Variants in PMS1 observed in about 807,000 individuals in gnomAD.
The protein encoded by PMS1 is PMS1 homolog 1, mismatch repair system component.
In PMS1, 79 loss-of-function variants were observed where a neutral mutation model predicts 93.1. The ratio of observed to expected loss-of-function variants is 0.85; its 90% CI spans 0.71 to 1.02. The LOEUF (loss-of-function observed/expected upper bound fraction) is 1.02. Ranked by LOEUF, PMS1 falls within the 50% of genes least tolerant of loss-of-function variation. The pLI is 0.00. For synonymous variants in PMS1, 335 were observed against 363.4 expected (o/e 0.92, Z 0.89); for missense variants, 1,064 against 1,085.3 (o/e 0.98, Z 0.28).
At chr2:189,857,171 A>T (rs2106474618) in intron 9 of PMS1, among the ~76,000 whole-genome samples, 1 of 152,310 alleles carries the variant, frequency 6.6e-6, no homozygotes, top group African/African-American at 2.4e-5. Context: ...TGTCAATATG[A>T]TCAGTTTTTA....
At chr2:189,872,713 A>G (rs1427749898) in intron 11 of PMS1, among the ~76,000 whole-genome samples, 1 of 152,042 alleles carries the variant, frequency 6.6e-6, no homozygotes, top group Admixed American at 6.6e-5. Flanking sequence ...GCTCACTGCA[A>G]CCTGTGCCTC....
chr2:189,806,479 C>T, intron 4 of PMS1: 1 of 276,450 alleles, frequency 3.6e-6, no homozygotes, highest in Non-Finnish European at 7.3e-6. Flanking sequence ...TTCACTGCAA[C>T]CTCTGCCTCC....
chr2:189,839,822 T>A (rs1244305634), intron 5 of PMS1, among the ~76,000 whole-genome samples: 1 of 152,228 alleles, frequency 6.6e-6, no homozygotes, highest in Non-Finnish European at 1.5e-5. Context: ...AAATTGATGC[T>A]CAATATGTAT....
At chr2:189,850,954 A>G (rs1415082763) in intron 6 of PMS1, among the ~76,000 whole-genome samples, 2 of 152,072 alleles carry the variant, frequency 1.3e-5, no homozygotes, top group Non-Finnish European at 2.9e-5. Context: ...AGGTATTTGT[A>G]TTTTGCCTTC....
At position 189,873,551 on chromosome 2, in the gene PMS1, A is replaced by C. The variant is rs1185283284; in HGVS notation, c.2529A>C (p.Pro843=). The change falls in exon 12 of 13, where the codon CCA becomes CCC. Residue 843 remains proline (P), a synonymous_variant. Transcript: ENST00000441310. ...TAGAAGGAATGGCTAATTGTCTCCCATTCTATGGAGTAGCAGATTTAAAAG... is the reference window on the plus strand; with the variant it reads ...TAGAAGGAATGGCTAATTGTCTCCCCTTCTATGGAGTAGCAGATTTAAAAG... ...LEIEGMANCL[P]FYGVADLKEI... 1 of 1,600,008 alleles carries C rather than the reference A, an allele frequency of 6.2e-7. No homozygotes were observed. Among genetic ancestry groups the C allele is most frequent in the Non-Finnish European group, 8.6e-7 (1 of 1,167,340 alleles).
rs2052855085 is a variant in PMS1, at chr2:189,830,720, G to A, written c.582+12540G>A. On this transcript the variant is annotated intron_variant, in intron 5 of 12. Transcript: ENST00000441310. ...ATGAGGGCTGACAACAGGATCAAGG[G>A]CTGAGAACAGGAGCACTCCATTATG... is the stretch of plus-strand genomic sequence containing the variant. 2.0e-5 allele frequency among the ~76,000 whole-genome samples: 3 copies of A among 152,306 alleles called. No individual in the cohort carries two copies. In the South Asian group the frequency reaches 6.2e-4, roughly 32 times the overall value.
chr2:189,789,999 C>G (rs1456179887), intron 1 of PMS1, among the ~76,000 whole-genome samples: 1 of 152,138 alleles, frequency 6.6e-6, no homozygotes, highest in Non-Finnish European at 1.5e-5. Flanking sequence ...AAAGGATTTC[C>G]AGTTACCAAC....
chr2:189,845,581 T>C (rs1242546943), intron 6 of PMS1, among the ~76,000 whole-genome samples: 1 of 152,148 alleles, frequency 6.6e-6, no homozygotes, highest in South Asian at 2.1e-4. Context: ...TTGAAGTCAT[T>C]GTTCTTAGAC....
chr2:189,817,890 T>C (rs781268990), intron 4 of PMS1, 127 bp from the exon 5 acceptor site: 6 of 726,996 alleles, frequency 8.3e-6, no homozygotes, highest in Middle Eastern at 3.8e-4. Flanking sequence ...GTTGAGCCTT[T>C]GGGTTTCTAG....
At chr2:189,827,802 A>G (rs1575165450) in intron 5 of PMS1, among the ~76,000 whole-genome samples, 1 of 152,222 alleles carries the variant, frequency 6.6e-6, no homozygotes, top group East Asian at 1.9e-4. Flanking sequence ...AGTTGATTTC[A>G]TAGAAATAGA....
rs2055172969 is a variant in PMS1 at position 189,855,111 on chromosome 2, T to C, written c.1839T>C (p.Ser613=). 1.2e-6 allele frequency: 2 copies of C among 1,613,064 alleles called. No individual in the cohort carries two copies. Among genetic ancestry groups the C allele is most frequent in the African/African-American group, 1.3e-5 (1 of 74,864 alleles). The part of the protein sequence containing the change: ...LQIEELWKTL[S]EEEKLKYEEK... The stretch of plus-strand genomic sequence containing the variant: ...TTGAAGAACTGTGGAAGACATTGAG[T>C]GAAGAGGAAAAACTGAAGTAAGTTT... Residue 613 remains serine, a synonymous_variant, in exon 9 of 13, where the codon AGT becomes AGC. Transcript: ENST00000441310.
chr2:189,791,904 C>G lies in PMS1; in HGVS notation c.95C>G (p.Ser32Cys), dbSNP rs1481320634. The change falls in exon 2 of 13, where the codon TCC (serine) becomes TGC (cysteine). Residue 32 changes from serine to cysteine, a missense_variant. By Grantham distance (112) the Ser-to-Cys change is moderately radical. Transcript: ENST00000441310. Reference protein sequence around the residue: ...VSVVKELIENSLDAGATSVDV... With the variant: ...VSVVKELIENCLDAGATSVDV... ...GTTGTAAAAGAGCTTATTGAAAACT[C>G]CTTGGATGCTGGTGCCACAAGCGTA... 1.9e-6 allele frequency: 3 copies of G among 1,613,848 alleles called. No individual in the cohort carries two copies. The highest frequency in any genetic ancestry group is 8.5e-7 in the Non-Finnish European group (1 of 1,179,890).
rs1490926852 is a variant in PMS1, at chr2:189,852,801, A to T, written c.822+24A>T. 9 of 1,469,506 alleles carry T rather than the reference A, an allele frequency of 6.1e-6. No homozygotes were observed. The African/African-American group carries it at 9.7e-5, about 16-fold the overall frequency. The allele number at this position is 1,469,506 out of a possible 1,614,324, so 91.0% of individuals were successfully genotyped here. A position where few individuals can be genotyped will look rare whatever the true frequency, so the allele number is the denominator to read the frequency against. ...AGGTAGTATGCTTTAGAAAAAAAAA[A>T]TTATTTGAATTGGAAATTTGTCACA... is the stretch of plus-strand genomic sequence containing the variant. On this transcript the variant is annotated intron_variant, in intron 7 of 12. Coordinates refer to ENST00000441310, the MANE Select transcript of PMS1 (RefSeq NM_000534.5).
At chr2:189,832,216 A>G (rs748713011) in intron 5 of PMS1, among the ~76,000 whole-genome samples, 12 of 152,176 alleles carry the variant, frequency 7.9e-5, no homozygotes, top group Non-Finnish European at 1.5e-4. Context: ...AGAATCATGT[A>G]GAGGATGGAG....
intron 3 of PMS1, among the ~76,000 whole-genome samples, chr2:189,796,753 G>A (rs564708258): frequency 1.3e-5 from 2 of 152,130 alleles, no homozygotes; most frequent in South Asian, 4.1e-4. Context: ...ACCACATTTT[G>A]TTTATCTGTT....
chr2:189,872,926 G>A (rs532475757), intron 11 of PMS1, among the ~76,000 whole-genome samples: 21 of 152,278 alleles, frequency 1.4e-4, no homozygotes, highest in Admixed American at 1.3e-3. Flanking sequence ...GAGCCACTAT[G>A]CCCAGCCATT....
chr2:189,839,069 G>A (rs757324470), intron 5 of PMS1, among the ~76,000 whole-genome samples: 65 of 151,886 alleles, frequency 4.3e-4, no homozygotes, highest in Non-Finnish European at 8.7e-4. Context: ...TCAGCTCACT[G>A]CAACCTCCAT....
chr2:189,877,285 G>GACGC lies in PMS1; in HGVS notation c.2648_2649insACGC (p.Leu884ArgfsTer29), dbSNP rs776982819. 7 of 1,613,520 alleles carry GACGC rather than the reference G, an allele frequency of 4.3e-6. No homozygotes were observed. In the South Asian group the frequency reaches 7.7e-5, roughly 18 times the overall value. The stretch of plus-strand genomic sequence containing the variant: ...CCCTTTGGACAGGGAGAAGCAGTGC[G>GACGC]TCTATCCAGACAATTACCCATGTAC... On this transcript the variant is annotated frameshift_variant, in exon 13 of 13. Coordinates refer to ENST00000441310, the MANE Select transcript of PMS1 (RefSeq NM_000534.5). LOFTEE classifies it high-confidence loss of function.
At position 189,877,482 on chromosome 2, in the gene PMS1, C is replaced by G; in HGVS notation, c.*46C>G. The G allele has an allele frequency of 1.6e-6, 2 of 1,247,540 alleles. No homozygotes were observed. Among genetic ancestry groups the G allele is most frequent in the Non-Finnish European group, 2.3e-6 (2 of 851,500 alleles). The allele number at this position is 1,247,540 out of a possible 1,614,324, so 77.3% of individuals were successfully genotyped here. On this transcript the variant is annotated 3_prime_UTR_variant, in exon 13 of 13. Transcript: ENST00000441310. Reference sequence around the variant, plus strand: ...TAGTTACCATTGAAATTGGTTCTGTCATAAAACAGCATGAGTCTGGTTTTA... The same window carrying G: ...TAGTTACCATTGAAATTGGTTCTGTGATAAAACAGCATGAGTCTGGTTTTA...
Sources: gnomAD v4.1 joint callset for allele counts (sites outside exome capture counted in the v4.1 genomes callset) on GRCh38, gnomAD v4.1.1 for gene constraint, MANE v1.5 for transcripts, NCBI Gene and HGNC (gene_info 2026-07-23, HGNC 2026-07-21) for gene names.